CFAP144: variants seen among roughly 807,000 people sequenced by gnomAD.
The protein encoded by CFAP144 is cilia and flagella associated protein 144.
chr1:43,150,744 G>C, the CFAP144 span: 2 of 1,595,974 alleles, frequency 1.3e-6, no homozygotes, highest in East Asian at 2.2e-5. Context: ...TTGTGAAGCT[G>C]TTTTCTTTTT....
the CFAP144 span, among the ~76,000 whole-genome samples, chr1:43,150,993 G>A: frequency 6.6e-6 from 1 of 152,242 alleles, no homozygotes. Flanking sequence ...CAGACAGTCT[G>A]TGGTAGATAG....
At chr1:43,144,610 T>G in the CFAP144 span, among the ~76,000 whole-genome samples, 1 of 152,160 alleles carries the variant, frequency 6.6e-6, no homozygotes. Context: ...CCCACTTTTT[T>G]GGGGTTCTGC....
the CFAP144 span, among the ~76,000 whole-genome samples, chr1:43,153,191 G>A: frequency 6.6e-6 from 1 of 152,190 alleles, no homozygotes; most frequent in East Asian, 1.9e-4. Context: ...CTGGCACATG[G>A]TAAACACTGT....
chr1:43,144,775 G>A, the CFAP144 span, among the ~76,000 whole-genome samples: 3 of 151,678 alleles, frequency 2.0e-5, no homozygotes, highest in Admixed American at 6.6e-5. Context: ...CCTTTCCCCC[G>A]CTCCTCCTCC....
At chr1:43,145,881 G>C in the CFAP144 span, among the ~76,000 whole-genome samples, 4 of 152,186 alleles carry the variant, frequency 2.6e-5, no homozygotes, top group Non-Finnish European at 5.9e-5. Flanking sequence ...TGCAAGCTTA[G>C]ACAAATAGAC....
chr1:43,156,358 T>G, the CFAP144 span: 2,022 of 1,416,638 alleles, frequency 1.4e-3, 1 homozygote, highest in Non-Finnish European at 1.9e-3. Context: ...GCCTTAAGTG[T>G]GCACAGCCCA....
At chr1:43,154,080 A>G in the CFAP144 span, among the ~76,000 whole-genome samples, 1 of 138,692 alleles carries the variant, frequency 7.2e-6, no homozygotes, top group Non-Finnish European at 1.6e-5. Flanking sequence ...ATATATATAT[A>G]TATATATATA....
the CFAP144 span, among the ~76,000 whole-genome samples, chr1:43,149,484 CTTTGTTGCCTGGCTCTATAGAG>C: frequency 6.6e-6 from 1 of 152,250 alleles, no homozygotes; most frequent in African/African-American, 2.4e-5. Flanking sequence ...GTAAAGTCCA[CTTTGTTGCCTGGCTCTATAGAG>C]AAAATGTACT....
chr1:43,154,335 C>T, the CFAP144 span, among the ~76,000 whole-genome samples: 7 of 135,886 alleles, frequency 5.2e-5, no homozygotes, highest in South Asian at 2.4e-4. Context: ...TATATATATC[C>T]CCTCTTTTTA....
chr1:43,152,762 A>C, the CFAP144 span: 3 of 1,466,560 alleles, frequency 2.0e-6, no homozygotes, highest in Non-Finnish European at 2.7e-6. Context: ...GGACGCAGGA[A>C]AGGGCACAGG....
chr1:43,150,892 G>A, the CFAP144 span: 1 of 1,256,536 alleles, frequency 8.0e-7, no homozygotes, highest in Non-Finnish European at 1.1e-6. Context: ...GACCTCTCAG[G>A]GTCGTGATAT....
chr1:43,153,536 G>T, the CFAP144 span, among the ~76,000 whole-genome samples: 17 of 152,036 alleles, frequency 1.1e-4, no homozygotes, highest in Non-Finnish European at 2.4e-4. Flanking sequence ...TTGAACCCAG[G>T]AGGCGGAGGT....
the CFAP144 span, among the ~76,000 whole-genome samples, chr1:43,144,166 C>T: frequency 6.6e-6 from 1 of 152,204 alleles, no homozygotes; most frequent in South Asian, 2.1e-4. Context: ...TCTTTGCCTA[C>T]TGAGGGCAAA....
the CFAP144 span, chr1:43,150,702 A>C: frequency 2.0e-6 from 3 of 1,466,360 alleles, no homozygotes; most frequent in Non-Finnish European, 1.9e-6. Flanking sequence ...TGGACCTTAG[A>C]GAGGGCAGGG....
chr1:43,156,218 C>T, the CFAP144 span: 52 of 1,613,768 alleles, frequency 3.2e-5, no homozygotes, highest in Admixed American at 5.0e-5. Context: ...CAACCCAGAA[C>T]GCCATGACCG....
At chr1:43,148,141 G>A in the CFAP144 span, 6 of 1,573,100 alleles carry the variant, frequency 3.8e-6, no homozygotes, top group South Asian at 1.1e-5. Flanking sequence ...CGGGGAAGGA[G>A]GAGCCCTCCG....
At chr1:43,150,812 C>T in the CFAP144 span, 1 of 1,609,494 alleles carries the variant, frequency 6.2e-7, no homozygotes, top group Non-Finnish European at 8.5e-7. Context: ...CTGGAGGAAC[C>T]TGCAGATGGT....
the CFAP144 span, among the ~76,000 whole-genome samples, chr1:43,155,810 G>A: frequency 1.3e-5 from 2 of 152,176 alleles, no homozygotes; most frequent in African/African-American, 2.4e-5. Context: ...AACATTTTCT[G>A]GAAATACATT....
chr1:43,143,513 G>C, the CFAP144 span, among the ~76,000 whole-genome samples: 4 of 144,198 alleles, frequency 2.8e-5, no homozygotes, highest in South Asian at 6.2e-4. Context: ...TGATTTGGAT[G>C]GTGATCAAAG....
Sources: allele counts gnomAD v4.1 joint callset (sites outside exome capture counted in the v4.1 genomes callset), GRCh38; gene constraint gnomAD v4.1.1; transcripts MANE v1.5; gene names NCBI Gene and HGNC (gene_info 2026-07-23, HGNC 2026-07-21).